AATF: variants seen among roughly 807,000 people sequenced by gnomAD.
AATF encodes the protein protein AATF.
In AATF, 48 loss-of-function variants were observed where a neutral mutation model predicts 63.7. The observed-to-expected ratio is 0.75, with a 90% CI of 0.60 to 0.96. AATF has a LOEUF of 0.96. AATF is among the 40% of genes least tolerant of loss of function. The pLI, the probability that AATF is intolerant of heterozygous loss-of-function variation, is 0.00. For missense variants in AATF, 639 were observed against 685.7 expected, an observed-to-expected ratio of 0.93 and a Z score of 0.76; for synonymous variants, 258 against 247.7, an observed-to-expected ratio of 1.04 and a Z score of -0.39.
At chr17:36,951,436 C>T (rs2070854161) in intron 2 of AATF, among the ~76,000 whole-genome samples, 1 of 151,644 alleles carries the variant, frequency 6.6e-6, no homozygotes, top group Admixed American at 6.6e-5. Context: ...CACAGTAAGT[C>T]CTCAAAAAAA....
At chr17:37,048,065 G>T (rs1203576328) in intron 11 of AATF, among the ~76,000 whole-genome samples, 2 of 152,002 alleles carry the variant, frequency 1.3e-5, no homozygotes, top group African/African-American at 2.4e-5. Flanking sequence ...TCTGCTTTGT[G>T]GTTTTTTTAT....
At chr17:37,014,665 G>A (rs1375940736) in intron 8 of AATF, among the ~76,000 whole-genome samples, 1 of 152,070 alleles carries the variant, frequency 6.6e-6, no homozygotes, top group African/African-American at 2.4e-5. Context: ...ATTGCACTAG[G>A]TCTTTGCAGT....
chr17:36,954,031 C>T, intron 4 of AATF, 124 bp downstream of exon 4: 1 of 923,974 alleles, frequency 1.1e-6, no homozygotes, highest in Middle Eastern at 2.7e-4. Context: ...TGCCCTTGCT[C>T]TCCCCTCCCC....
intron 7 of AATF, among the ~76,000 whole-genome samples, chr17:36,990,245 C>G (rs2071203094): frequency 6.6e-6 from 1 of 152,186 alleles, no homozygotes; most frequent in African/African-American, 2.4e-5. Flanking sequence ...ACCTAGAGAG[C>G]TACCTCATTT....
chr17:36,991,313 C>T (rs1341318328), intron 8 of AATF, among the ~76,000 whole-genome samples: 1 of 152,060 alleles, frequency 6.6e-6, no homozygotes, highest in Admixed American at 6.5e-5. Flanking sequence ...TTGTGCCTGT[C>T]GAAGTCAGTT....
intron 11 of AATF, chr17:37,052,389 A>C (rs980255028): frequency 6.6e-6 from 1 of 152,264 alleles, no homozygotes; most frequent in African/African-American, 2.4e-5. Context: ...CCCTCTGTCC[A>C]GTGGCACCTT....
At chr17:36,995,053 A>G (rs942426210) in intron 8 of AATF, among the ~76,000 whole-genome samples, 1 of 152,240 alleles carries the variant, frequency 6.6e-6, no homozygotes, top group Non-Finnish European at 1.5e-5. Context: ...TGAAAGGACT[A>G]ATTGAGCTTA....
chr17:37,056,251 C>T (rs1402727516), intron 11 of AATF: 1 of 222,358 alleles, frequency 4.5e-6, no homozygotes, highest in Non-Finnish European at 8.9e-6. Flanking sequence ...CCCCCTACAT[C>T]CCATGTCTGA....
chr17:37,001,819 G>C (rs1467760624), intron 8 of AATF, among the ~76,000 whole-genome samples: 1 of 152,150 alleles, frequency 6.6e-6, no homozygotes, highest in Admixed American at 6.5e-5. Context: ...TATCTAGCCA[G>C]GGCAGTTAGG....
At chr17:37,004,940 C>T (rs2071330936) in intron 8 of AATF, among the ~76,000 whole-genome samples, 1 of 152,198 alleles carries the variant, frequency 6.6e-6, no homozygotes, top group Admixed American at 6.5e-5. Context: ...CACCGAAGTA[C>T]AGGGAAATAA....
At chr17:36,969,848 G>C (rs572295960) in intron 4 of AATF, among the ~76,000 whole-genome samples, 1 of 152,092 alleles carries the variant, frequency 6.6e-6, no homozygotes, top group South Asian at 2.1e-4. Flanking sequence ...CACTAAATCT[G>C]CTGTCACTAT....
At chr17:36,983,608 C>T (rs1242798724) in intron 4 of AATF, among the ~76,000 whole-genome samples, 2 of 151,382 alleles carry the variant, frequency 1.3e-5, no homozygotes, top group Non-Finnish European at 2.9e-5. Flanking sequence ...ACCTCGTCCT[C>T]CCAAAGTGCT....
intron 8 of AATF, among the ~76,000 whole-genome samples, chr17:36,993,268 C>T (rs2071229462): frequency 6.6e-6 from 1 of 152,170 alleles, no homozygotes; most frequent in Non-Finnish European, 1.5e-5. Flanking sequence ...GCTTCCCATT[C>T]CCCTTCTTCT....
intron 4 of AATF, among the ~76,000 whole-genome samples, chr17:36,958,819 T>C (rs909596793): frequency 6.6e-6 from 1 of 152,198 alleles, no homozygotes; most frequent in Non-Finnish European, 1.5e-5. Context: ...TATACCATAA[T>C]CTCATGTAAA....
At chr17:36,956,307 T>C (rs1301124172) in intron 4 of AATF, among the ~76,000 whole-genome samples, 1 of 152,080 alleles carries the variant, frequency 6.6e-6, no homozygotes, top group Non-Finnish European at 1.5e-5. Flanking sequence ...ATTTGAAGAG[T>C]AGCTAATTTT....
At chr17:37,006,096 C>T (rs567752344) in intron 8 of AATF, among the ~76,000 whole-genome samples, 71 of 152,010 alleles carry the variant, frequency 4.7e-4, no homozygotes, top group African/African-American at 1.6e-3. Context: ...ATGATTGTGC[C>T]GCTATACTCC....
intron 11 of AATF, chr17:37,046,101 A>G (rs1235815238): frequency 6.6e-6 from 1 of 152,074 alleles, no homozygotes; most frequent in African/African-American, 2.4e-5. Context: ...TGTGGTATCG[A>G]TATCTGTAAT....
At chr17:37,006,174 AAAG>A (rs2071339983) in intron 8 of AATF, among the ~76,000 whole-genome samples, 1 of 152,092 alleles carries the variant, frequency 6.6e-6, no homozygotes, top group African/African-American at 2.4e-5. Flanking sequence ...TAAATTTAAA[AAAG>A]AAAAAAAGAG....
At chr17:37,019,427 C>G (rs1017400652) in intron 9 of AATF, among the ~76,000 whole-genome samples, 1 of 152,164 alleles carries the variant, frequency 6.6e-6, no homozygotes, top group Non-Finnish European at 1.5e-5. Flanking sequence ...CATGGCACTG[C>G]GCACAACAGG....
Sources: allele counts gnomAD v4.1 joint callset (sites outside exome capture counted in the v4.1 genomes callset), GRCh38; gene constraint gnomAD v4.1.1; transcripts MANE v1.5; gene names NCBI Gene and HGNC (gene_info 2026-07-23, HGNC 2026-07-21).